Variants in NAV2 observed in about 807,000 individuals in gnomAD.
NAV2 encodes the protein neuron navigator 2.
Under a neutral mutation model 223.2 loss-of-function variants are expected in NAV2, and 54 were observed. That is an observed-to-expected ratio of 0.24 (90% CI 0.19 to 0.30). The LOEUF is 0.30. NAV2 is among the 10% of genes least tolerant of loss of function. The pLI, the probability that NAV2 is intolerant of heterozygous loss-of-function variation, is 1.00. For synonymous variants in NAV2, 1,279 were observed against 1,239.3 expected, an observed-to-expected ratio of 1.03 and a Z score of -0.67; for missense variants, 2,806 against 3,147.5, an observed-to-expected ratio of 0.89 and a Z score of 2.60.
chr11:19,446,991 C>T (rs1328392438), intron 1 of NAV2, among the ~76,000 whole-genome samples: 2 of 152,182 alleles, frequency 1.3e-5, no homozygotes, highest in East Asian at 3.9e-4. Context: ...AGGAAAAGAA[C>T]ATTGCATGAG....
intron 35 of NAV2, chr11:20,107,405 G>C (rs1027808435): frequency 1.5e-5 from 7 of 474,610 alleles, no homozygotes; most frequent in Non-Finnish European, 2.3e-5. Context: ...TAAAAATCAA[G>C]ATTAGTGATG....
At chr11:19,693,733 T>C (rs558835749) in intron 1 of NAV2, among the ~76,000 whole-genome samples, 3 of 152,158 alleles carry the variant, frequency 2.0e-5, no homozygotes, top group African/African-American at 7.2e-5. Context: ...CTCAGCCTAG[T>C]AGAGCCCACA....
chr11:20,056,656 G>T, intron 19 of NAV2: 8 of 1,472,820 alleles, frequency 5.4e-6, no homozygotes, highest in Non-Finnish European at 7.6e-6. Context: ...ATTCTGTGGA[G>T]GATATCATCC....
At chr11:19,451,420 C>T (rs939224109) in intron 1 of NAV2, among the ~76,000 whole-genome samples, 4 of 152,226 alleles carry the variant, frequency 2.6e-5, no homozygotes, top group South Asian at 4.1e-4. Flanking sequence ...CCAAATGGTA[C>T]ACATTCTCTC....
chr11:19,766,471 G>C (rs1565279741), intron 1 of NAV2, among the ~76,000 whole-genome samples: 1 of 152,186 alleles, frequency 6.6e-6, no homozygotes, highest in African/African-American at 2.4e-5. Context: ...GTGCTGAGTG[G>C]AGCCAGTGCT....
the NAV2 span, among the ~76,000 whole-genome samples, chr11:19,345,598 G>A: frequency 7.9e-5 from 12 of 152,302 alleles, no homozygotes; most frequent in Admixed American, 5.9e-4. This position sits in a 1 kb window ranked among gnomAD's most constrained non-coding sequence, Gnocchi z 5.2. Flanking sequence ...GCGAGCGGAC[G>A]CATAGCCACC....
chr11:19,727,857 G>A (rs2051376117), intron 1 of NAV2, among the ~76,000 whole-genome samples: 1 of 152,216 alleles, frequency 6.6e-6, no homozygotes, highest in South Asian at 2.1e-4. Context: ...AGTGACAGAG[G>A]TGTAGCTTCA....
chr11:19,707,246 C>A (rs17866182), intron 1 of NAV2, among the ~76,000 whole-genome samples: 1 of 152,128 alleles, frequency 6.6e-6, no homozygotes, highest in Admixed American at 6.5e-5. Flanking sequence ...AATAAGTTAA[C>A]CTTAGTTAAC....
In NAV2 at chr11:20,118,441, G is replaced by A. The variant is rs113913642; in HGVS notation, c.*183G>A. 1,294 of 655,394 alleles carry A rather than the reference G, an allele frequency of 2.0e-3. 2 individuals are homozygous for A. The highest frequency in any genetic ancestry group is 2.7e-3 in the Non-Finnish European group (988 of 372,274). 40.6% of individuals were successfully genotyped at this position (655,394 alleles called of 1,614,324 possible). ...CAGGCATCCCGGGCCAGCTGCCTGC[G>A]GACCGCTTCCTTCCACAGCGAGAAC... On this transcript the variant is annotated 3_prime_UTR_variant, in exon 38 of 38. Coordinates refer to ENST00000349880, the MANE Select transcript of NAV2 (RefSeq NM_145117.5).
At chr11:19,955,637 C>T (rs371746725) in intron 10 of NAV2, among the ~76,000 whole-genome samples, 1 of 152,164 alleles carries the variant, frequency 6.6e-6, no homozygotes, top group Admixed American at 6.5e-5. Context: ...GATAGACATG[C>T]CCCTGTTCAT....
chr11:19,511,105 C>G (rs1252002017), intron 1 of NAV2: 1 of 152,216 alleles, frequency 6.6e-6, no homozygotes, highest in Non-Finnish European at 1.5e-5. Context: ...CAGGATCACA[C>G]AGCCAGAAAA....
intron 1 of NAV2, among the ~76,000 whole-genome samples, chr11:19,446,595 G>T (rs1046893015): frequency 1.3e-5 from 2 of 152,120 alleles, no homozygotes; most frequent in African/African-American, 2.4e-5. Context: ...ATAGCAGGGG[G>T]TTAGCAATTG....
intron 1 of NAV2, among the ~76,000 whole-genome samples, chr11:19,449,826 C>A (rs1851727092): frequency 6.6e-6 from 1 of 151,702 alleles, no homozygotes; most frequent in Non-Finnish European, 1.5e-5. Flanking sequence ...TCCGGTGACC[C>A]CCCTCCCACC....
intron 1 of NAV2, among the ~76,000 whole-genome samples, chr11:19,399,929 A>G (rs193124494): frequency 6.6e-5 from 10 of 152,288 alleles, no homozygotes; most frequent in Admixed American, 6.5e-4. Context: ...TCAGGAATAG[A>G]TTGTTGGAAG....
chr11:19,634,365 A>G (rs1159196702), intron 1 of NAV2, among the ~76,000 whole-genome samples: 2 of 152,136 alleles, frequency 1.3e-5, no homozygotes, highest in Non-Finnish European at 1.5e-5. Flanking sequence ...GAGGGAGGGG[A>G]ATAGAAAAGA....
At chr11:20,062,286 C>CTTTTTT in intron 19 of NAV2, 21 bp from the exon 20 acceptor site, 2 of 1,380,296 alleles carry the variant, frequency 1.4e-6, no homozygotes, top group Admixed American at 1.9e-5. Context: ...ATCAATTCAC[C>CTTTTTT]TTTTTTTTTT....
chr11:19,374,202 A>T (rs1848564254), intron 1 of NAV2, among the ~76,000 whole-genome samples: 1 of 151,848 alleles, frequency 6.6e-6, no homozygotes, highest in African/African-American at 2.4e-5. Context: ...GTTTTTCACT[A>T]TGTATCAATG....
chr11:19,988,158 G>A (rs2050969403), intron 11 of NAV2, among the ~76,000 whole-genome samples: 2 of 152,198 alleles, frequency 1.3e-5, no homozygotes, highest in South Asian at 2.1e-4. Context: ...TGACTGCAAA[G>A]CCACACCATC....
intron 1 of NAV2, among the ~76,000 whole-genome samples, chr11:19,468,030 G>A (rs901440294): frequency 9.2e-5 from 14 of 152,170 alleles, no homozygotes; most frequent in African/African-American, 3.4e-4. Flanking sequence ...AGAAGGAGCT[G>A]ATGAGGGTAA....
Sources: gnomAD v4.1 joint callset for allele counts (sites outside exome capture counted in the v4.1 genomes callset) on GRCh38, gnomAD v4.1.1 for gene constraint, Gnocchi (gnomAD v3.1) non-coding constraint, MANE v1.5 for transcripts, NCBI Gene and HGNC (gene_info 2026-07-23, HGNC 2026-07-21) for gene names.